The following CT45A1 variants were observed in gnomAD, a reference collection of about 807,000 sequenced individuals.
The protein encoded by CT45A1 is cancer/testis antigen family 45 member A1, also known as cancer/testis antigen 45-1.
At chrX:135,711,712 A>G (rs782776598), upstream of CT45A1, among the ~76,000 whole-genome samples, 4 of 112,103 alleles carry the variant, frequency 3.6e-5, no homozygotes, top group Non-Finnish European at 7.5e-5. Flanking sequence ...TAAAACTCCA[A>G]AACTTTCGCT....
chrX:135,711,398 T>C (rs1170820636), upstream of CT45A1, among the ~76,000 whole-genome samples: 6 of 111,702 alleles, frequency 5.4e-5, no homozygotes, highest in East Asian at 1.1e-3. Flanking sequence ...GACTCTCTTC[T>C]GACAGGGTAC....
chrX:135,715,555 T>G (rs1324991644), intron 1 of CT45A1, among the ~76,000 whole-genome samples: 17 of 87,495 alleles, frequency 1.9e-4, no homozygotes, highest in South Asian at 5.4e-4. Context: ...AATACTTATA[T>G]GTATATAATA....
At chrX:135,714,164 G>A (rs1301886015) in intron 1 of CT45A1, among the ~76,000 whole-genome samples, 2 of 109,485 alleles carry the variant, frequency 1.8e-5, no homozygotes, top group Admixed American at 9.7e-5. Flanking sequence ...CTGTGGGATC[G>A]CTGACGGGGG....
intron 1 of CT45A1, among the ~76,000 whole-genome samples, chrX:135,714,148 G>C (rs1470094948): frequency 9.2e-6 from 1 of 109,245 alleles, no homozygotes; most frequent in Non-Finnish European, 1.9e-5. Flanking sequence ...ACGCATGATC[G>C]CCGCCCTGTG....
At chrX:135,717,421 C>A (rs1470633988) in intron 1 of CT45A1, among the ~76,000 whole-genome samples, 2 of 110,394 alleles carry the variant, frequency 1.8e-5, no homozygotes, top group Non-Finnish European at 3.8e-5. Flanking sequence ...TTGTGGCAGG[C>A]GCCTGTAATC....
At chrX:135,716,032 A>T (rs1489454594) in intron 1 of CT45A1, among the ~76,000 whole-genome samples, 1 of 110,833 alleles carries the variant, frequency 9.0e-6, no homozygotes, top group Non-Finnish European at 1.9e-5. Context: ...AGGGCTGCAA[A>T]GTATTCCATG....
chrX:135,711,718 T>C (rs1318378895), upstream of CT45A1, among the ~76,000 whole-genome samples: 1 of 112,257 alleles, frequency 8.9e-6, no homozygotes, highest in Admixed American at 9.5e-5. Context: ...TCCAAAACTT[T>C]CGCTGTAATA....
upstream of CT45A1, among the ~76,000 whole-genome samples, chrX:135,712,280 T>C (rs1398487273): frequency 1.1e-5 from 1 of 91,841 alleles, no homozygotes; most frequent in Non-Finnish European, 2.1e-5. Context: ...TCAAGCCTCC[T>C]GGTCTCAAGC....
chrX:135,715,447 T>TTATATATATAATACTTATATATAA, intron 1 of CT45A1, among the ~76,000 whole-genome samples: 1 of 81,528 alleles, frequency 1.2e-5, no homozygotes, highest in Non-Finnish European at 2.2e-5. Context: ...TATATAATAC[T>TTATATATATAATACTTATATATAA]TATATATATA....
chrX:135,712,153 G>GT (rs1320055507), upstream of CT45A1, among the ~76,000 whole-genome samples: 3 of 97,068 alleles, frequency 3.1e-5, no homozygotes, highest in African/African-American at 1.1e-4. Flanking sequence ...ATATAATAAG[G>GT]TTTCCCCTCC....
At chrX:135,714,557 G>A in intron 1 of CT45A1, among the ~76,000 whole-genome samples, 1 of 110,196 alleles carries the variant, frequency 9.1e-6, no homozygotes. Context: ...CACAGCCTCA[G>A]GTGTCTGTGT....
At chrX:135,715,630 T>C (rs1392257722) in intron 1 of CT45A1, among the ~76,000 whole-genome samples, 2 of 95,300 alleles carry the variant, frequency 2.1e-5, no homozygotes, top group Non-Finnish European at 2.0e-5. Flanking sequence ...ATATAATACT[T>C]ATATATATAA....
intron 1 of CT45A1, among the ~76,000 whole-genome samples, chrX:135,716,418 T>C (rs1397460826): frequency 2.7e-5 from 3 of 111,930 alleles, no homozygotes; most frequent in African/African-American, 9.7e-5. Context: ...ATGACTCTTA[T>C]GAAGTGCATA....
chrX:135,712,432 G>C (rs1470589572), upstream of CT45A1, among the ~76,000 whole-genome samples: 5 of 107,465 alleles, frequency 4.7e-5, no homozygotes, highest in Non-Finnish European at 7.7e-5. Context: ...CAAAGTGCTG[G>C]GGTACAGGCA....
intron 1 of CT45A1, among the ~76,000 whole-genome samples, chrX:135,715,264 A>T (rs1476278098): frequency 2.3e-5 from 2 of 86,103 alleles, no homozygotes; most frequent in Non-Finnish European, 4.3e-5. Context: ...TATATATAAT[A>T]CTTATATATA....
chrX:135,714,447 T>C (rs1556570650), intron 1 of CT45A1, among the ~76,000 whole-genome samples: 2 of 109,255 alleles, frequency 1.8e-5, no homozygotes, highest in Non-Finnish European at 3.8e-5. Flanking sequence ...CCACGTGACC[T>C]TGGGAACTCT....
chrX:135,716,000 C>T (rs1449174318), intron 1 of CT45A1, among the ~76,000 whole-genome samples: 10 of 110,168 alleles, frequency 9.1e-5, no homozygotes, highest in East Asian at 2.8e-4. Context: ...TCCCTTCAAA[C>T]GACATGAACT....
upstream of CT45A1, among the ~76,000 whole-genome samples, chrX:135,709,408 G>A (rs1177751861): frequency 2.7e-5 from 3 of 112,041 alleles, no homozygotes; most frequent in Admixed American, 1.9e-4. Flanking sequence ...GATTACAAGC[G>A]TGAGCCACCG....
chrX:135,715,447 TTA>T (rs1194704280), intron 1 of CT45A1, among the ~76,000 whole-genome samples: 1 of 81,515 alleles, frequency 1.2e-5, no homozygotes, highest in Admixed American at 1.8e-4. Context: ...TATATAATAC[TTA>T]TATATATAAT....
Sources: allele counts gnomAD v4.1 joint callset (sites outside exome capture counted in the v4.1 genomes callset), GRCh38; gene constraint gnomAD v4.1.1; transcripts MANE v1.5; gene names NCBI Gene and HGNC (gene_info 2026-07-23, HGNC 2026-07-21).